PCDHGA10: variants seen among roughly 807,000 people sequenced by gnomAD.
The protein encoded by PCDHGA10 is protocadherin gamma subfamily A, 10, also known as protocadherin gamma-A10.
PCDHGA10 carries 42 observed loss-of-function variants against 59.5 expected under a neutral mutation model. That is an observed-to-expected ratio of 0.71 (90% confidence interval 0.55 to 0.91). The LOEUF is 0.91. Among genes scored for constraint, PCDHGA10 ranks in the 40% least tolerant of loss-of-function variants. The probability of loss-of-function intolerance (pLI) is 0.00; values close to 1 mark genes in which losing one functional copy is unlikely to be tolerated. For synonymous variants in PCDHGA10, 511 were observed against 517.2 expected, an observed-to-expected ratio of 0.99 and a Z score of 0.16; for missense variants, 1,111 against 1,198.2, an observed-to-expected ratio of 0.93 and a Z score of 1.07.
At chr5:141,421,388 G>T in intron 1 of PCDHGA10, 17 of 1,614,052 alleles carry the variant, frequency 1.1e-5, no homozygotes, top group Non-Finnish European at 1.4e-5. Flanking sequence ...AAGGACCTGG[G>T]GCTGGAGCCC....
intron 1 of PCDHGA10, chr5:141,427,231 G>A (rs1561827383): frequency 2.2e-6 from 1 of 456,612 alleles, no homozygotes; most frequent in African/African-American, 2.0e-5. Flanking sequence ...TATACCATGA[G>A]AGTAGAAGCT....
chr5:141,418,150 A>C (rs1377300460), intron 1 of PCDHGA10: 2 of 1,614,112 alleles, frequency 1.2e-6, no homozygotes, highest in Non-Finnish European at 8.5e-7. Context: ...AAATATGCAA[A>C]GAGAGAAGAA....
Position 141,490,826 on chromosome 5 carries a change from T to A in PCDHGA10, c.2437-3981T>A, listed in dbSNP as rs1195265146. ...ACCTTTGACTATGAATTGCTGCAGA[T>A]GCTGCAGATTGTGGTGGGGGTTCGA... On this transcript the variant is annotated intron_variant, in intron 1 of 3. Coordinates refer to ENST00000398610, the MANE Select transcript of PCDHGA10 (RefSeq NM_018913.3). The surrounding 1 kb of genome is among the most constrained non-coding windows in gnomAD (Gnocchi z 5.4). 6.2e-7 allele frequency: 1 copy of A among 1,613,736 alleles called. No homozygotes were observed. The highest frequency in any genetic ancestry group is 8.5e-7 in the Non-Finnish European group (1 of 1,179,796).
intron 1 of PCDHGA10, among the ~76,000 whole-genome samples, chr5:141,465,280 C>T (rs922029628): frequency 7.2e-5 from 11 of 151,990 alleles, no homozygotes; most frequent in Non-Finnish European, 1.5e-4. Flanking sequence ...TTAGTTCACC[C>T]CTAAAGAACT....
chr5:141,431,828 C>T lies in PCDHGA10; in HGVS notation c.2436+16217C>T. The T allele has an allele frequency of 6.2e-7, 1 of 1,610,208 alleles. No individual in the cohort carries two copies. Among genetic ancestry groups the T allele is most frequent in the Non-Finnish European group, 8.5e-7 (1 of 1,176,374 alleles). On this transcript the variant is annotated intron_variant, in intron 1 of 3. Transcript: ENST00000398610. This position sits in a 1 kb window ranked among gnomAD's most constrained non-coding sequence, Gnocchi z 4.8. Reference sequence around the variant, plus strand: ...CCTCACCTCTCTCGCCAGCTCGGTTCCCGAAAACTCTCCCAGAGGGACATT... The same window carrying T: ...CCTCACCTCTCTCGCCAGCTCGGTTTCCGAAAACTCTCCCAGAGGGACATT...
chr5:141,426,753 A>G (rs1360041118), intron 1 of PCDHGA10: 3 of 456,298 alleles, frequency 6.6e-6, no homozygotes, highest in East Asian at 7.0e-5. Flanking sequence ...GGAATCTGCT[A>G]TAGATGCAGA....
chr5:141,510,526 A>T (rs1164238062), intron 3 of PCDHGA10, among the ~76,000 whole-genome samples: 1 of 152,156 alleles, frequency 6.6e-6, no homozygotes, highest in East Asian at 1.9e-4. Flanking sequence ...CAGCCCTGAG[A>T]GAAATACCAG....
chr5:141,432,539 G>A lies in PCDHGA10; in HGVS notation c.2436+16928G>A. 2.5e-6 allele frequency: 4 copies of A among 1,614,038 alleles called. No individual in the cohort carries two copies. Among genetic ancestry groups the A allele is most frequent in the Non-Finnish European group, 3.4e-6 (4 of 1,180,022 alleles). ...CTACCTGGTGACCAAGGTGGTGGCG[G>A]TGGACAGAGACTCCGGCCAGAACGC... On this transcript the variant is annotated intron_variant, in intron 1 of 3. Transcript: ENST00000398610. The surrounding 1 kb of genome is among the most constrained non-coding windows in gnomAD (Gnocchi z 6.0).
chr5:141,414,457 G>A lies in PCDHGA10; in HGVS notation c.1282G>A (p.Ala428Thr), dbSNP rs1319960665. Residue 428 changes from alanine to threonine, a missense_variant, in exon 1 of 4, where the codon GCC (alanine) becomes ACC (threonine). Physicochemically the swap from Ala to Thr is moderately conservative, Grantham distance 58. Coordinates refer to ENST00000398610, the MANE Select transcript of PCDHGA10 (RefSeq NM_018913.3). ...QVSSYNITVT[A>T]TDGGSPPLST... is the part of the protein sequence containing the mutation. ...ATCCTCTTACAATATCACAGTGACA[G>A]CCACAGATGGGGGAAGTCCTCCTCT... 7 of 1,613,872 alleles carry A rather than the reference G, an allele frequency of 4.3e-6. No individual in the cohort carries two copies. Among genetic ancestry groups the A allele is most frequent in the Non-Finnish European group, 5.9e-6 (7 of 1,179,864 alleles).
rs917165100 is a variant in PCDHGA10, at chr5:141,442,878, C to T, written c.2436+27267C>T. Among the ~76,000 whole-genome samples, 6 of 152,178 alleles carry T rather than the reference C, an allele frequency of 3.9e-5. No homozygotes were observed. In the South Asian group the frequency reaches 8.3e-4, roughly 21 times the overall value. The stretch of plus-strand genomic sequence containing the variant: ...GTATGAGAGATGTAAATTTACAACT[C>T]AGAATCCCTGCTTATCACTTCTCCT... On this transcript the variant is annotated intron_variant, in intron 1 of 3. Coordinates refer to ENST00000398610, the MANE Select transcript of PCDHGA10 (RefSeq NM_018913.3).
intron 1 of PCDHGA10, chr5:141,426,194 T>C (rs1482565872): frequency 6.4e-6 from 1 of 155,380 alleles, no homozygotes; most frequent in Non-Finnish European, 1.4e-5. Context: ...ACTGGGAGCA[T>C]TGAGTTTTCT....
rs2099883762 is a variant in PCDHGA10, at chr5:141,511,396, C to T, written c.*223C>T. 9.8e-7 allele frequency: 1 copy of T among 1,016,834 alleles called. No homozygotes were observed. Among genetic ancestry groups the T allele is most frequent in the South Asian group, 1.7e-5 (1 of 58,996 alleles). The allele number at this position is 1,016,834 out of a possible 1,614,324, so 63.0% of individuals were successfully genotyped here. ...AAGCAGTTCCGCTGGGAACCCCCAT[C>T]CAATCAACTGCTGTACCCATGGGGG... On this transcript the variant is annotated 3_prime_UTR_variant, in exon 4 of 4. Coordinates refer to ENST00000398610, the MANE Select transcript of PCDHGA10 (RefSeq NM_018913.3).
Position 141,432,759 on chromosome 5 carries a change from G to A in PCDHGA10, c.2436+17148G>A. 6.2e-7 allele frequency: 1 copy of A among 1,614,150 alleles called. No individual in the cohort carries two copies. The highest frequency in any genetic ancestry group is 8.5e-7 in the Non-Finnish European group (1 of 1,180,006). On this transcript the variant is annotated intron_variant, in intron 1 of 3. Coordinates refer to ENST00000398610, the MANE Select transcript of PCDHGA10 (RefSeq NM_018913.3). This position sits in a 1 kb window ranked among gnomAD's most constrained non-coding sequence, Gnocchi z 6.0. ...ACGCTCACCGTGGCCGTGGCCGACA[G>A]CATCCCCCAAGTCCTGGCGGACCTC...
rs751320023 is a variant in PCDHGA10 at position 141,431,263 on chromosome 5, G to T, written c.2436+15652G>T. 6 of 1,614,060 alleles carry T rather than the reference G, an allele frequency of 3.7e-6. No homozygotes were observed. In the East Asian group the frequency reaches 1.3e-4, roughly 36 times the overall value. ...CGGATATCGGGAAGAACTCTCTGCA[G>T]AGCTACGAGCTCAGCCCGAACACTC... On this transcript the variant is annotated intron_variant, in intron 1 of 3. Transcript: ENST00000398610. The surrounding 1 kb of genome is among the most constrained non-coding windows in gnomAD (Gnocchi z 4.8).
At chr5:141,419,722 G>A (rs1194093167) in intron 1 of PCDHGA10, 2 of 1,613,306 alleles carry the variant, frequency 1.2e-6, no homozygotes, top group Admixed American at 1.7e-5. Context: ...GCCTGGGGCT[G>A]CGAACAGGCG....
intron 1 of PCDHGA10, chr5:141,422,492 C>A (rs747903569): frequency 2.5e-6 from 4 of 1,613,816 alleles, no homozygotes; most frequent in African/African-American, 2.7e-5. Flanking sequence ...TACAATATAA[C>A]GTTGACAGCC....
intron 1 of PCDHGA10, among the ~76,000 whole-genome samples, chr5:141,445,318 G>T (rs182520609): frequency 2.0e-4 from 30 of 152,306 alleles, no homozygotes; most frequent in African/African-American, 7.2e-4. Context: ...TAGGTTGAGA[G>T]AACCCATCCA....
rs751976949 is a variant in PCDHGA10, at chr5:141,414,873, C to A, written c.1698C>A (p.Ile566=). The A allele has an allele frequency of 6.2e-6, 10 of 1,614,108 alleles. No homozygotes were observed. The Admixed American group carries it at 1.2e-4, about 19-fold the overall frequency. ...ACCAGAACGACAATGCGCCCGAGAT[C>A]CTGTACCCCGCCCTCCCCACAGACG... The part of the protein sequence containing the change: ...VLDQNDNAPE[I]LYPALPTDGS... Residue 566 remains isoleucine (I), a synonymous_variant, in exon 1 of 4, where the codon ATC becomes ATA. Transcript: ENST00000398610.
intron 2 of PCDHGA10, among the ~76,000 whole-genome samples, chr5:141,497,643 G>A (rs773129390): frequency 6.6e-6 from 1 of 151,192 alleles, no homozygotes; most frequent in African/African-American, 2.4e-5. Context: ...AGGTTCAAGC[G>A]ATTCTCCTGC....
Sources: gnomAD v4.1 joint callset for allele counts (sites outside exome capture counted in the v4.1 genomes callset) on GRCh38, gnomAD v4.1.1 for gene constraint, Gnocchi (gnomAD v3.1) non-coding constraint, MANE v1.5 for transcripts, NCBI Gene and HGNC (gene_info 2026-07-23, HGNC 2026-07-21) for gene names.